The following PDE7A variants were observed in gnomAD, a reference collection of about 807,000 sequenced individuals.
PDE7A encodes high affinity 3',5'-cyclic-AMP phosphodiesterase 7A.
PDE7A carries 39 observed loss-of-function variants against 64.3 expected under a neutral mutation model. The observed-to-expected ratio is 0.61, with a 90% CI of 0.47 to 0.79. PDE7A has a LOEUF of 0.79. Among genes scored for constraint, PDE7A ranks in the 30% least tolerant of loss-of-function variants. The pLI, the probability that PDE7A is intolerant of heterozygous loss-of-function variation, is 0.00. For synonymous variants in PDE7A, 203 were observed against 206.8 expected (o/e 0.98, Z 0.16); for missense variants, 470 against 582.8 (o/e 0.81, Z 1.99).
chr8:65,808,173 T>C (rs1413938727), intron 1 of PDE7A, among the ~76,000 whole-genome samples: 3 of 152,190 alleles, frequency 2.0e-5, no homozygotes, highest in Admixed American at 1.3e-4. Context: ...TCAGTGCTAG[T>C]AGTTAAAATG....
intron 1 of PDE7A, among the ~76,000 whole-genome samples, chr8:65,824,352 T>G (rs2128933059): frequency 6.6e-6 from 1 of 152,288 alleles, no homozygotes; most frequent in South Asian, 2.1e-4. Flanking sequence ...TTTCCGGAGT[T>G]GAAATTTACT....
chr8:65,740,504 G>T (rs374573482), intron 5 of PDE7A, among the ~76,000 whole-genome samples: 1 of 152,008 alleles, frequency 6.6e-6, no homozygotes, highest in Admixed American at 6.6e-5. Context: ...GAGTTCAAGC[G>T]ATTCTCCTGC....
chr8:65,737,321 T>C (rs141745151), intron 6 of PDE7A, among the ~76,000 whole-genome samples: 48 of 152,134 alleles, frequency 3.2e-4, no homozygotes, highest in Non-Finnish European at 5.9e-4. Flanking sequence ...CAGCCAAGTA[T>C]TCATATGAAC....
intron 3 of PDE7A, chr8:65,765,479 ACT>A (rs1420995063): frequency 1.3e-4 from 13 of 101,840 alleles, no homozygotes; most frequent in Non-Finnish European, 2.2e-4. Flanking sequence ...ACAGAGCGAG[ACT>A]CCGTCTCAAA....
chr8:65,729,726 CTT>C (rs34749293), intron 7 of PDE7A, among the ~76,000 whole-genome samples: 5 of 140,694 alleles, frequency 3.6e-5, no homozygotes, highest in Admixed American at 7.1e-5. Flanking sequence ...CCATGCCTGA[CTT>C]TTTTTTTTTT....
intron 1 of PDE7A, among the ~76,000 whole-genome samples, chr8:65,819,726 A>C (rs1810494646): frequency 6.6e-6 from 1 of 152,226 alleles, no homozygotes; most frequent in African/African-American, 2.4e-5. Context: ...AATTTTATTC[A>C]AATTGTGGCA....
In PDE7A at chr8:65,725,770, T is replaced by A. The variant is rs546366934; in HGVS notation, c.921-849A>T. Among the ~76,000 whole-genome samples, 27 of 152,294 alleles carry A rather than the reference T, an allele frequency of 1.8e-4. No homozygotes were observed. In the South Asian group the frequency reaches 5.6e-3, roughly 32 times the overall value. On this transcript the variant is annotated intron_variant, in intron 9 of 12. Coordinates refer to ENST00000401827, the MANE Select transcript of PDE7A (RefSeq NM_001242318.3). Reference sequence around the variant, plus strand: ...GTAGTATTCCTTATTTCCATTTTTATTAAATCTGAGAACTCAACAGGGTTA... The same window carrying A: ...GTAGTATTCCTTATTTCCATTTTTAATAAATCTGAGAACTCAACAGGGTTA...
At chr8:65,727,523 G>A in intron 7 of PDE7A, 1 of 465,174 alleles carries the variant, frequency 2.1e-6, no homozygotes, top group Non-Finnish European at 3.7e-6. Context: ...CCCTGCCCAT[G>A]TGGAGTTTAC....
At chr8:65,739,052 C>G (rs1405505831) in intron 6 of PDE7A, among the ~76,000 whole-genome samples, 2 of 152,242 alleles carry the variant, frequency 1.3e-5, no homozygotes, top group Non-Finnish European at 2.9e-5. Context: ...GAGCCCAGGG[C>G]TCCAGCGGCC....
intron 3 of PDE7A, among the ~76,000 whole-genome samples, chr8:65,751,854 A>C (rs1268117067): frequency 6.6e-6 from 1 of 152,202 alleles, no homozygotes; most frequent in Non-Finnish European, 1.5e-5. Flanking sequence ...ATTTTACATA[A>C]ATGGTAGCAT....
chr8:65,786,571 A>G (rs954898941), intron 1 of PDE7A, among the ~76,000 whole-genome samples: 5 of 152,332 alleles, frequency 3.3e-5, no homozygotes, highest in African/African-American at 7.2e-5. Flanking sequence ...CTACTTTTAT[A>G]TAAGACTGCT....
chr8:65,789,660 T>A (rs1205913159), intron 1 of PDE7A, among the ~76,000 whole-genome samples: 1 of 152,266 alleles, frequency 6.6e-6, no homozygotes, highest in Non-Finnish European at 1.5e-5. Context: ...TTGGTACAGA[T>A]CTTGTTCTCG....
intron 1 of PDE7A, among the ~76,000 whole-genome samples, chr8:65,840,216 T>C (rs747222526): frequency 8.7e-4 from 132 of 152,216 alleles, no homozygotes; most frequent in African/African-American, 1.6e-3. Flanking sequence ...TGCTCTGACC[T>C]CATTAGCATA....
intron 3 of PDE7A, among the ~76,000 whole-genome samples, chr8:65,763,553 G>GA (rs2128915858): frequency 7.3e-6 from 1 of 136,766 alleles, no homozygotes; most frequent in African/African-American, 3.4e-5. Context: ...CAACAAGAGT[G>GA]AAACTCCGTC....
intron 1 of PDE7A, among the ~76,000 whole-genome samples, chr8:65,819,822 C>T (rs1810497992): frequency 6.6e-6 from 1 of 152,176 alleles, no homozygotes; most frequent in Non-Finnish European, 1.5e-5. Context: ...CCCAGCCTCC[C>T]TTATAGGTAG....
intron 1 of PDE7A, among the ~76,000 whole-genome samples, chr8:65,786,066 C>T (rs1809549101): frequency 6.6e-6 from 1 of 152,008 alleles, no homozygotes; most frequent in African/African-American, 2.4e-5. Context: ...TATAGAAGCA[C>T]TAATTTAGAT....
intron 1 of PDE7A, among the ~76,000 whole-genome samples, chr8:65,790,519 C>T (rs1809672505): frequency 6.6e-6 from 1 of 152,048 alleles, no homozygotes; most frequent in Non-Finnish European, 1.5e-5. Context: ...TTGAAAAGAA[C>T]CAAAATAGTT....
chr8:65,771,455 C>T (rs74747822), intron 3 of PDE7A, among the ~76,000 whole-genome samples: 5,446 of 152,188 alleles, frequency 0.036, 137 homozygotes, highest in African/African-American at 0.074. Flanking sequence ...ATAAATAACA[C>T]TAATATCATA....
chr8:65,719,338 T>TGCA lies in PDE7A; in HGVS notation c.1398_1400dup (p.Ala467dup). On this transcript the variant is annotated inframe_insertion, in exon 13 of 13. Coordinates refer to ENST00000401827, the MANE Select transcript of PDE7A (RefSeq NM_001242318.3). ...GTAATAACTGTGAGTTCAACTCAAA[T>TGCA]GCAGCATCAGTGTCCTCACTGCTCG... 1 of 1,614,170 alleles carries TGCA rather than the reference T, an allele frequency of 6.2e-7. No homozygotes were observed. The highest frequency in any genetic ancestry group is 8.5e-7 in the Non-Finnish European group (1 of 1,179,992).
Sources: allele counts gnomAD v4.1 joint callset (sites outside exome capture counted in the v4.1 genomes callset), GRCh38; gene constraint gnomAD v4.1.1; transcripts MANE v1.5; gene names NCBI Gene and HGNC (gene_info 2026-07-23, HGNC 2026-07-21).